PIK3C2B: variants seen among roughly 807,000 people sequenced by gnomAD.
PIK3C2B encodes the protein phosphatidylinositol-4-phosphate 3-kinase catalytic subunit type 2 beta, also known as phosphatidylinositol 4-phosphate 3-kinase C2 domain-containing subunit beta.
Under a neutral mutation model 184.3 loss-of-function variants are expected in PIK3C2B, and 83 were observed. The observed-to-expected ratio is 0.45, with a 90% CI of 0.38 to 0.54. PIK3C2B has a LOEUF of 0.54. PIK3C2B is among the 20% of genes least tolerant of loss of function. The pLI, the probability that PIK3C2B is intolerant of heterozygous loss-of-function variation, is 0.00. For missense variants in PIK3C2B, 1,736 were observed against 2,113.5 expected (o/e 0.82, Z 3.50); for synonymous variants, 779 against 837.6 (o/e 0.93, Z 1.21).
chr1:204,440,597 C>CA (rs1675598555), intron 21 of PIK3C2B, among the ~76,000 whole-genome samples: 2 of 123,560 alleles, frequency 1.6e-5, no homozygotes, highest in South Asian at 5.1e-4. Context: ...ACCATCAGGC[C>CA]TTTTTTTTTT....
In PIK3C2B at chr1:204,423,207, T is replaced by C. The variant is rs1327712776; in HGVS notation, c.*1645A>G. On this transcript the variant is annotated 3_prime_UTR_variant, in exon 33 of 33. Transcript: ENST00000684373. ...GCTCACGCCTGTAATCCCAGCACTT[T>C]GGGAGGCCAAGGCAGGCAGATCACG... 1 of 152,266 alleles carries C rather than the reference T, an allele frequency of 6.6e-6. No homozygotes were observed. The highest frequency in any genetic ancestry group is 1.5e-5 in the Non-Finnish European group (1 of 68,110). 9.4% of individuals were successfully genotyped at this position (152,266 alleles called of 1,614,324 possible).
At chr1:204,461,255 A>G (rs572578309) in intron 5 of PIK3C2B, among the ~76,000 whole-genome samples, 1 of 152,266 alleles carries the variant, frequency 6.6e-6, no homozygotes, top group South Asian at 2.1e-4. Context: ...ACAAATTTCT[A>G]TGACTTCTTG....
intron 8 of PIK3C2B, among the ~76,000 whole-genome samples, chr1:204,458,152 T>G (rs899707607): frequency 3.9e-5 from 6 of 152,224 alleles, no homozygotes; most frequent in Non-Finnish European, 7.3e-5. Context: ...GTTAGTCTAC[T>G]TATACTATAC....
intron 1 of PIK3C2B, among the ~76,000 whole-genome samples, chr1:204,493,044 T>G (rs1658111089): frequency 6.6e-6 from 1 of 152,162 alleles, no homozygotes; most frequent in African/African-American, 2.4e-5. Context: ...AAAGTCTCAC[T>G]GCCTGTCTGC....
rs1653680070 is a variant in PIK3C2B at position 204,444,502 on chromosome 1, G to A, written c.2679-78C>T. The A allele has an allele frequency of 4.1e-6, 4 of 982,846 alleles. No individual in the cohort carries two copies. In the South Asian group the frequency reaches 4.1e-5, roughly 10 times the overall value. 60.9% of individuals were successfully genotyped at this position (982,846 alleles called of 1,614,324 possible). On this transcript the variant is annotated intron_variant, in intron 16 of 32. Transcript: ENST00000684373. ...CTGTGAGCCCAGCACCCTCACACCT[G>A]GGCTTCAGAGGCATGGAGAAAGAAA...
rs779243921 is a variant in PIK3C2B, at chr1:204,469,716, G to C, written c.87C>G (p.Ala29=). The stretch of plus-strand genomic sequence containing the variant: ...ACAGGGCATCATACTCCATCTGCAG[G>C]GCTTCGGCCATCGCTAGCTCTTTGC... ...ISRKELAMAE[A]LQMEYDALSR... Residue 29 remains alanine (A), a synonymous_variant, in exon 2 of 33, where the codon GCC becomes GCG. Coordinates refer to ENST00000684373, the MANE Select transcript of PIK3C2B (RefSeq NM_001377334.1). The C allele has an allele frequency of 6.2e-7, 1 of 1,613,992 alleles. No individual in the cohort carries two copies. Among genetic ancestry groups the C allele is most frequent in the Non-Finnish European group, 8.5e-7 (1 of 1,179,976 alleles).
chr1:204,454,973 G>A (rs1392760669), intron 11 of PIK3C2B, among the ~76,000 whole-genome samples, 182 bp from the exon 12 acceptor site: 1 of 152,228 alleles, frequency 6.6e-6, no homozygotes, highest in Admixed American at 6.5e-5. Context: ...TCAGGCCAAA[G>A]CAACTCAATC....
chr1:204,464,369 A>G, intron 4 of PIK3C2B, 81 bp downstream of exon 4: 7 of 1,278,400 alleles, frequency 5.5e-6, no homozygotes, highest in Non-Finnish European at 6.4e-6. Flanking sequence ...CCACAAGATG[A>G]GGTGGAAATC....
At chr1:204,445,896 G>A in intron 16 of PIK3C2B, 60 bp downstream of exon 16, 2 of 1,181,386 alleles carry the variant, frequency 1.7e-6, no homozygotes, top group Non-Finnish European at 2.3e-6. Context: ...CTGATGGGCA[G>A]TGTCGTGCCC....
chr1:204,432,447 C>A, intron 26 of PIK3C2B, 46 bp from the exon 27 acceptor site: 1 of 1,509,364 alleles, frequency 6.6e-7, no homozygotes, highest in Non-Finnish European at 9.2e-7. Flanking sequence ...AACCCAAATT[C>A]CTGCTGCCTC....
At chr1:204,480,262 A>G (rs1170842843) in intron 1 of PIK3C2B, among the ~76,000 whole-genome samples, 1 of 152,170 alleles carries the variant, frequency 6.6e-6, no homozygotes, top group Non-Finnish European at 1.5e-5. Flanking sequence ...TTCAATTATA[A>G]TGATTGTTAG....
chr1:204,445,214 A>AAG (rs1558244263), intron 16 of PIK3C2B, among the ~76,000 whole-genome samples: 1 of 152,010 alleles, frequency 6.6e-6, no homozygotes, highest in African/African-American at 2.4e-5. Context: ...AAGAAAAAAA[A>AAG]AAAAAAACAG....
rs1475548112 is a variant in PIK3C2B at position 204,433,173 on chromosome 1, G to C, written c.3953+143C>G. 7 of 557,538 alleles carry C rather than the reference G, an allele frequency of 1.3e-5. No individual in the cohort carries two copies. In the African/African-American group the frequency reaches 1.3e-4, roughly 11 times the overall value. The allele number at this position is 557,538 out of a possible 1,614,324, so 34.5% of individuals were successfully genotyped here. A position where few individuals can be genotyped will look rare whatever the true frequency, so the allele number is the denominator to read the frequency against. ...TTTACCTAAATCACGGGCAAAGTTG[G>C]GACAATGTATCCACGTGGTCAGCTC... On this transcript the variant is annotated intron_variant, in intron 26 of 32. Coordinates refer to ENST00000684373, the MANE Select transcript of PIK3C2B (RefSeq NM_001377334.1). This position sits in a 1 kb window ranked among gnomAD's most constrained non-coding sequence, Gnocchi z 5.0.
At position 204,424,728 on chromosome 1, in the gene PIK3C2B, C is replaced by A. The variant is rs1267896476; in HGVS notation, c.*124G>T. 3.2e-6 allele frequency: 3 copies of A among 928,948 alleles called. No homozygotes were observed. Among genetic ancestry groups the A allele is most frequent in the African/African-American group, 3.2e-5 (2 of 62,118 alleles). 57.5% of individuals were successfully genotyped at this position (928,948 alleles called of 1,614,324 possible). On this transcript the variant is annotated 3_prime_UTR_variant, in exon 33 of 33. Transcript: ENST00000684373. ...CCTCCTACCACAGAGGCCAGAATCA[C>A]CTGGACCGAGCTGGAGGCCTGCCCA...
intron 1 of PIK3C2B, among the ~76,000 whole-genome samples, chr1:204,481,321 G>A (rs1256053206): frequency 1.4e-5 from 2 of 141,874 alleles, no homozygotes; most frequent in Non-Finnish European, 3.0e-5. Flanking sequence ...CAGGCTGAGT[G>A]CAGTGGCGTG....
intron 1 of PIK3C2B, among the ~76,000 whole-genome samples, chr1:204,484,517 G>A (rs946648504): frequency 1.8e-4 from 27 of 152,106 alleles, no homozygotes; most frequent in Non-Finnish European, 3.4e-4. Flanking sequence ...GGCGGATCAC[G>A]AGGTCATGAG....
chr1:204,453,172 G>T (rs536372539), intron 12 of PIK3C2B, among the ~76,000 whole-genome samples: 1 of 152,284 alleles, frequency 6.6e-6, no homozygotes, highest in East Asian at 1.9e-4. Flanking sequence ...CTCTGCAAAT[G>T]AGGACTCTAA....
rs186170532 is a variant in PIK3C2B, at chr1:204,488,948, T to C, written c.-85+5408A>G. On this transcript the variant is annotated intron_variant, in intron 1 of 32. Coordinates refer to ENST00000684373, the MANE Select transcript of PIK3C2B (RefSeq NM_001377334.1). ...TAGACTTAAACCCTTGTGATCCTAT[T>C]GTCTTCCAGAAATGACTTTAAGAAC... 3.4e-3 allele frequency among the ~76,000 whole-genome samples: 525 copies of C among 152,334 alleles called. 1 individual carries two copies. Among genetic ancestry groups the C allele is most frequent in the Non-Finnish European group, 5.5e-3 (371 of 68,042 alleles).
At position 204,465,972 on chromosome 1, in the gene PIK3C2B, G is replaced by A. The variant is rs570256171; in HGVS notation, c.934-653C>T. 8.9e-4 allele frequency among the ~76,000 whole-genome samples: 136 copies of A among 152,338 alleles called. 1 individual carries two copies. Among genetic ancestry groups the A allele is most frequent in the Non-Finnish European group, 1.6e-3 (107 of 68,028 alleles). Reference sequence around the variant, plus strand: ...GCTTCCGAGTCAGCCGGCTCTGAACGGCCGGAATGTCAGGGAGCCTGCCTT... The same window carrying A: ...GCTTCCGAGTCAGCCGGCTCTGAACAGCCGGAATGTCAGGGAGCCTGCCTT... On this transcript the variant is annotated intron_variant, in intron 2 of 32. Transcript: ENST00000684373.
Sources: gnomAD v4.1 joint callset for allele counts (sites outside exome capture counted in the v4.1 genomes callset) on GRCh38, gnomAD v4.1.1 for gene constraint, Gnocchi (gnomAD v3.1) non-coding constraint, MANE v1.5 for transcripts, NCBI Gene and HGNC (gene_info 2026-07-23, HGNC 2026-07-21) for gene names.